RBFOX1: variants seen among roughly 807,000 people sequenced by gnomAD.
RBFOX1 encodes RNA binding protein fox-1 homolog 1.
In RBFOX1, 8 loss-of-function variants were observed where a neutral mutation model predicts 57.7. The ratio of observed to expected loss-of-function variants is 0.14; its 90% CI spans 0.08 to 0.25. The LOEUF (loss-of-function observed/expected upper bound fraction) is 0.25, where lower values mean the gene tolerates loss of function less well. Ranked by LOEUF, RBFOX1 falls within the 10% of genes least tolerant of loss-of-function variation. The pLI is 1.00. For synonymous variants in RBFOX1, 326 were observed against 222.4 expected (o/e 1.47, Z -4.15); for missense variants, 611 against 548.5 (o/e 1.11, Z -1.14).
intron 1 of RBFOX1, among the ~76,000 whole-genome samples, chr16:6,158,408 C>T (rs973006281): frequency 6.6e-6 from 1 of 152,186 alleles, no homozygotes; most frequent in African/African-American, 2.4e-5. Flanking sequence ...CAGCCCGTTC[C>T]AGTCTCGCCG....
At chr16:7,221,846 C>A (rs919316775) in intron 4 of RBFOX1, among the ~76,000 whole-genome samples, 2 of 152,216 alleles carry the variant, frequency 1.3e-5, no homozygotes, top group Non-Finnish European at 2.9e-5. Flanking sequence ...TGATTTCCCT[C>A]CTTGGAGGAG....
chr16:7,072,482 C>T (rs1245455201), intron 4 of RBFOX1, among the ~76,000 whole-genome samples: 1 of 152,166 alleles, frequency 6.6e-6, no homozygotes, highest in Non-Finnish European at 1.5e-5. Flanking sequence ...CTCTCTACTG[C>T]CTATAACATA....
At chr16:7,164,193 C>T (rs1224201717) in intron 4 of RBFOX1, among the ~76,000 whole-genome samples, 3 of 152,138 alleles carry the variant, frequency 2.0e-5, no homozygotes, top group African/African-American at 7.2e-5. Context: ...TTAGCCCCCA[C>T]ATATGAGTGA....
chr16:6,585,812 A>G (rs1200196633), intron 2 of RBFOX1, among the ~76,000 whole-genome samples: 2 of 152,094 alleles, frequency 1.3e-5, no homozygotes, highest in African/African-American at 4.8e-5. Flanking sequence ...CTCTTTGACA[A>G]TTTGTGTAGG....
At chr16:5,579,169 G>C (rs1396205933) in intron 2 of RBFOX1, among the ~76,000 whole-genome samples, 1 of 151,944 alleles carries the variant, frequency 6.6e-6, no homozygotes, top group African/African-American at 2.4e-5. Context: ...TCTCTAAATT[G>C]GTCAAGACTG....
chr16:5,545,553 C>G (rs1387676404), intron 2 of RBFOX1, among the ~76,000 whole-genome samples: 1 of 151,802 alleles, frequency 6.6e-6, no homozygotes, highest in African/African-American at 2.4e-5. Context: ...GTTTAAAATT[C>G]AAATATAATC....
intron 4 of RBFOX1, among the ~76,000 whole-genome samples, chr16:5,883,272 A>G (rs1017792874): frequency 3.9e-5 from 6 of 152,208 alleles, no homozygotes; most frequent in Admixed American, 3.3e-4. Flanking sequence ...TATATTTCAG[A>G]TATATTTTAA....
intron 1 of RBFOX1, among the ~76,000 whole-genome samples, chr16:5,453,003 G>A (rs183041180): frequency 1.3e-5 from 2 of 152,220 alleles, no homozygotes; most frequent in East Asian, 3.9e-4. Context: ...CTGCTCCTGG[G>A]CATTTCAGTA....
chr16:5,907,465 A>G (rs1251690133), intron 4 of RBFOX1, among the ~76,000 whole-genome samples: 3 of 152,136 alleles, frequency 2.0e-5, no homozygotes, highest in Admixed American at 2.0e-4. Flanking sequence ...CATCTGTGTG[A>G]CATTGTGATC....
At chr16:6,960,676 A>T (rs1598430044) in intron 3 of RBFOX1, among the ~76,000 whole-genome samples, 1 of 151,948 alleles carries the variant, frequency 6.6e-6, no homozygotes, top group African/African-American at 2.4e-5. Context: ...CTCTTGCAGG[A>T]CCAGCATCTC....
At chr16:6,773,313 T>A (rs961966606) in intron 3 of RBFOX1, among the ~76,000 whole-genome samples, 1 of 138,244 alleles carries the variant, frequency 7.2e-6, no homozygotes, top group African/African-American at 2.9e-5. Context: ...TTTGTGTGTT[T>A]GGGTATGGGG....
At chr16:7,514,430 G>A (rs1031368554) in intron 4 of RBFOX1, among the ~76,000 whole-genome samples, 1 of 152,038 alleles carries the variant, frequency 6.6e-6, no homozygotes, top group African/African-American at 2.4e-5. Flanking sequence ...GTATGCTGTT[G>A]GACCATGGAG....
At chr16:7,506,213 AAAAAT>A (rs1266254309) in intron 4 of RBFOX1, among the ~76,000 whole-genome samples, 60 of 147,480 alleles carry the variant, frequency 4.1e-4, no homozygotes, top group African/African-American at 1.5e-3. Flanking sequence ...AAAAAAAAAA[AAAAAT>A]TTCTGTAAGC....
At chr16:6,521,183 A>G (rs2096490367) in intron 2 of RBFOX1, among the ~76,000 whole-genome samples, 1 of 152,114 alleles carries the variant, frequency 6.6e-6, no homozygotes, top group Non-Finnish European at 1.5e-5. Context: ...ATACCTAACA[A>G]TGGGTATTGC....
At chr16:5,441,367 T>G (rs1567515549) in intron 1 of RBFOX1, among the ~76,000 whole-genome samples, 1 of 149,466 alleles carries the variant, frequency 6.7e-6, no homozygotes, top group Non-Finnish European at 1.5e-5. Flanking sequence ...AAGAGGGTTT[T>G]TTTTTTTTTT....
chr16:6,905,777 G>C (rs2069721417), intron 3 of RBFOX1, among the ~76,000 whole-genome samples: 1 of 152,214 alleles, frequency 6.6e-6, no homozygotes, highest in African/African-American at 2.4e-5. Flanking sequence ...ATTTTCAAGA[G>C]ACAGACTGAG....
chr16:6,118,789 CT>C lies in RBFOX1; in HGVS notation c.-127+98798del, dbSNP rs1279938196. ...TCTCCCTCTCTTTCTCCCTCTCTTT[CT>C]CTCTCTCCTTCCTTCCTTCCTTCCT... On this transcript the variant is annotated intron_variant, in intron 1 of 15. Transcript: ENST00000550418. Among the ~76,000 whole-genome samples, 238 of 148,794 alleles carry C rather than the reference CT, an allele frequency of 1.6e-3. 2 individuals carry two copies. The highest frequency in any genetic ancestry group is 5.3e-3 in the African/African-American group (210 of 39,502).
chr16:5,509,477 C>G (rs1003317449), intron 2 of RBFOX1, among the ~76,000 whole-genome samples: 1 of 152,202 alleles, frequency 6.6e-6, no homozygotes, highest in African/African-American at 2.4e-5. Flanking sequence ...AGCACTGTGG[C>G]TGGCTTGTAG....
chr16:5,586,524 G>T (rs2151170600), intron 2 of RBFOX1, among the ~76,000 whole-genome samples: 1 of 152,232 alleles, frequency 6.6e-6, no homozygotes, highest in South Asian at 2.1e-4. Context: ...TTCAAGACAG[G>T]TTTCACTCTG....
Sources: gnomAD v4.1 joint callset for allele counts (sites outside exome capture counted in the v4.1 genomes callset) on GRCh38, gnomAD v4.1.1 for gene constraint, MANE v1.5 for transcripts, NCBI Gene and HGNC (gene_info 2026-07-23, HGNC 2026-07-21) for gene names.